ROBO2: variants seen among roughly 807,000 people sequenced by gnomAD.
ROBO2 encodes roundabout homolog 2.
A neutral mutation model predicts 160.8 loss-of-function variants in ROBO2; 53 were observed. The ratio of observed to expected loss-of-function variants is 0.33; its 90% confidence interval spans 0.26 to 0.41. The LOEUF is 0.41. Among genes scored for constraint, ROBO2 ranks in the 10% least tolerant of loss-of-function variants. The pLI is 1.00. For missense variants in ROBO2, 1,577 were observed against 1,722.4 expected (o/e 0.92, Z 1.49); for synonymous variants, 664 against 611.7 (o/e 1.09, Z -1.26).
intron 2 of ROBO2, among the ~76,000 whole-genome samples, chr3:77,217,196 G>A (rs1428559261): frequency 6.6e-6 from 1 of 151,408 alleles, no homozygotes. Flanking sequence ...AGGCTGGAGT[G>A]CAGTGGTGCG....
intron 2 of ROBO2, among the ~76,000 whole-genome samples, chr3:77,153,487 A>AAGTG (rs2077711387): frequency 1.3e-5 from 2 of 152,100 alleles, no homozygotes; most frequent in Non-Finnish European, 2.9e-5. Flanking sequence ...GAGCCTTTAG[A>AAGTG]AGTGTGTAAT....
chr3:77,070,579 A>T (rs1677726454), intron 1 of ROBO2, among the ~76,000 whole-genome samples: 1 of 152,134 alleles, frequency 6.6e-6, no homozygotes, highest in African/African-American at 2.4e-5. Flanking sequence ...TGGATTTTGC[A>T]GGGGGACACA....
At chr3:77,159,288 CT>C (rs1208568973) in intron 2 of ROBO2, among the ~76,000 whole-genome samples, 1 of 152,104 alleles carries the variant, frequency 6.6e-6, no homozygotes, top group African/African-American at 2.4e-5. Flanking sequence ...CATCATTACC[CT>C]TTTTCTTTTA....
intron 2 of ROBO2, among the ~76,000 whole-genome samples, chr3:75,950,201 G>T (rs1948481642): frequency 6.6e-6 from 1 of 152,014 alleles, no homozygotes. Flanking sequence ...GCAAAGGAAG[G>T]AAAAATAAAA....
At chr3:76,914,303 C>T (rs562097174) in intron 2 of ROBO2, among the ~76,000 whole-genome samples, 7 of 152,220 alleles carry the variant, frequency 4.6e-5, no homozygotes, top group African/African-American at 1.7e-4. Context: ...GCCTTTTGAA[C>T]TCACCACCAA....
chr3:76,347,915 A>G (rs940626133), intron 2 of ROBO2, among the ~76,000 whole-genome samples: 1 of 152,164 alleles, frequency 6.6e-6, no homozygotes, highest in Admixed American at 6.5e-5. Flanking sequence ...ATACAATTGA[A>G]TGAGGATGTT....
chr3:77,180,636 A>G (rs1579708166), intron 2 of ROBO2, among the ~76,000 whole-genome samples: 1 of 151,616 alleles, frequency 6.6e-6, no homozygotes, highest in Admixed American at 6.6e-5. Flanking sequence ...AAGACTGTAA[A>G]TGGAAAAGCT....
At chr3:76,992,519 G>A (rs1337999903) in intron 2 of ROBO2, among the ~76,000 whole-genome samples, 4 of 151,492 alleles carry the variant, frequency 2.6e-5, no homozygotes, top group Non-Finnish European at 2.9e-5. Context: ...ATTGAAGATC[G>A]CACATTCTGA....
intron 2 of ROBO2, among the ~76,000 whole-genome samples, chr3:76,292,846 T>G (rs1469816609): frequency 6.6e-6 from 1 of 152,250 alleles, no homozygotes; most frequent in Non-Finnish European, 1.5e-5. Flanking sequence ...GAGTGCAGTG[T>G]AATTTATCTC....
chr3:76,034,102 G>C (rs2067019195), intron 2 of ROBO2, among the ~76,000 whole-genome samples: 1 of 152,206 alleles, frequency 6.6e-6, no homozygotes, highest in Non-Finnish European at 1.5e-5. Context: ...ATAGGCATGA[G>C]CATTGGTGGG....
At chr3:76,425,194 C>T (rs2076161710) in intron 2 of ROBO2, among the ~76,000 whole-genome samples, 2 of 148,654 alleles carry the variant, frequency 1.3e-5, no homozygotes, top group African/African-American at 4.9e-5. Context: ...AGGATTCTGC[C>T]TTTTTTTTTT....
chr3:77,351,241 A>G (rs908381532), intron 2 of ROBO2, among the ~76,000 whole-genome samples: 6 of 148,668 alleles, frequency 4.0e-5, no homozygotes, highest in African/African-American at 1.5e-4. Context: ...AATTTTAGGG[A>G]AAAAAAAGAG....
intron 2 of ROBO2, among the ~76,000 whole-genome samples, chr3:76,160,002 G>T (rs1254839479): frequency 1.3e-5 from 2 of 152,138 alleles, no homozygotes; most frequent in Non-Finnish European, 2.9e-5. Flanking sequence ...GAACGTTGTT[G>T]TGGTGGAGAA....
chr3:76,234,787 C>A (rs1305957405), intron 2 of ROBO2, among the ~76,000 whole-genome samples: 6 of 152,062 alleles, frequency 3.9e-5, no homozygotes, highest in Admixed American at 3.3e-4. Flanking sequence ...CACAAGTGAC[C>A]CCTTTGTTCT....
chr3:76,436,781 A>C (rs1036055880), intron 2 of ROBO2, among the ~76,000 whole-genome samples: 4 of 152,204 alleles, frequency 2.6e-5, no homozygotes, highest in African/African-American at 9.6e-5. Context: ...TGTCCCGTAC[A>C]TTGCTTTTTA....
chr3:76,626,983 C>T (rs962530271), intron 2 of ROBO2, among the ~76,000 whole-genome samples: 3 of 152,184 alleles, frequency 2.0e-5, no homozygotes, highest in African/African-American at 7.2e-5. Flanking sequence ...AGCCACCATG[C>T]CCAGCCCTGT....
intron 2 of ROBO2, among the ~76,000 whole-genome samples, chr3:76,248,510 A>T: frequency 7.2e-6 from 1 of 138,640 alleles, no homozygotes; most frequent in Non-Finnish European, 1.5e-5. Flanking sequence ...GGGAGGGGGG[A>T]GGGATAGCAT....
rs183816952 is a variant in ROBO2 at position 77,435,090 on chromosome 3, A to G, written c.389-42324A>G. ...AACCCTATCACACAAACTAAGAAGT[A>G]GGTAAAAAAGAAGGCATTAAAGACA... On this transcript the variant is annotated intron_variant, in intron 2 of 25. Transcript: ENST00000461745. 5.5e-3 allele frequency among the ~76,000 whole-genome samples: 842 copies of G among 152,154 alleles called. 6 individuals are homozygous for G. Among genetic ancestry groups the G allele is most frequent in the Non-Finnish European group, 9.3e-3 (629 of 67,938 alleles).
At chr3:76,050,618 C>T (rs368797131) in intron 2 of ROBO2, among the ~76,000 whole-genome samples, 48 of 152,304 alleles carry the variant, frequency 3.2e-4, no homozygotes, top group East Asian at 2.1e-3. Context: ...GGCTGGTTCT[C>T]GTGGCCACTG....
Sources: allele counts gnomAD v4.1 joint callset (sites outside exome capture counted in the v4.1 genomes callset), GRCh38; gene constraint gnomAD v4.1.1; transcripts MANE v1.5; gene names NCBI Gene and HGNC (gene_info 2026-07-23, HGNC 2026-07-21).